AGTR1: variants seen among roughly 807,000 people sequenced by gnomAD.
AGTR1 encodes the protein angiotensin II receptor type 1, also known as type-1 angiotensin II receptor.
A neutral mutation model predicts 19.4 loss-of-function variants in AGTR1; 16 were observed. The observed-to-expected ratio is 0.82, with a 90% confidence interval of 0.56 to 1.25. AGTR1 has a LOEUF of 1.25. Ranked by LOEUF, AGTR1 falls within the 50% of genes most tolerant of loss-of-function variation. The pLI is 0.00. For synonymous variants in AGTR1, 153 were observed against 154.9 expected (o/e 0.99, Z 0.09); for missense variants, 373 against 431.9 (o/e 0.86, Z 1.21).
intron 2 of AGTR1, among the ~76,000 whole-genome samples, chr3:148,725,957 CTT>C (rs1368763141): frequency 6.6e-6 from 1 of 152,116 alleles, no homozygotes; most frequent in Non-Finnish European, 1.5e-5. Flanking sequence ...ATTTAGCAAA[CTT>C]GTTTTTTATT....
intron 1 of AGTR1, among the ~76,000 whole-genome samples, chr3:148,704,297 T>G (rs1427213181): frequency 6.6e-6 from 1 of 151,704 alleles, no homozygotes; most frequent in Non-Finnish European, 1.5e-5. Flanking sequence ...GTCTGGGAGG[T>G]GAAGGCTGCA....
At chr3:148,720,765 T>A (rs1284423952) in intron 2 of AGTR1, among the ~76,000 whole-genome samples, 1 of 152,232 alleles carries the variant, frequency 6.6e-6, no homozygotes, top group Non-Finnish European at 1.5e-5. Flanking sequence ...AAGAAAGATA[T>A]CTTTGCATTA....
intron 2 of AGTR1, chr3:148,729,981 A>G (rs1559929922): frequency 3.1e-6 from 1 of 324,088 alleles, no homozygotes; most frequent in Admixed American, 4.9e-5. Flanking sequence ...AGGGAAAAAA[A>G]TAAATTAAAT....
chr3:148,715,404 A>C (rs1329608055), intron 2 of AGTR1, among the ~76,000 whole-genome samples: 1 of 152,180 alleles, frequency 6.6e-6, no homozygotes, highest in Non-Finnish European at 1.5e-5. Flanking sequence ...CAGCTTAGGC[A>C]GAGGACTTAG....
chr3:148,721,434 C>T (rs1043378721), intron 2 of AGTR1, among the ~76,000 whole-genome samples: 1 of 152,132 alleles, frequency 6.6e-6, no homozygotes, highest in African/African-American at 2.4e-5. Context: ...CTTCTGCTTC[C>T]AGCCAAGATG....
chr3:148,727,988 T>G (rs937493589), intron 2 of AGTR1, among the ~76,000 whole-genome samples: 1 of 152,138 alleles, frequency 6.6e-6, no homozygotes, highest in Non-Finnish European at 1.5e-5. Context: ...CTTGTCTGCC[T>G]GCTAGATGCT....
intron 1 of AGTR1, among the ~76,000 whole-genome samples, chr3:148,699,699 C>G (rs1365137509): frequency 1.3e-5 from 2 of 152,158 alleles, no homozygotes; most frequent in Non-Finnish European, 2.9e-5. Flanking sequence ...AAAGTCTAAG[C>G]TTAAGGCTAG....
chr3:148,738,108 G>A (rs1270142665), intron 2 of AGTR1, among the ~76,000 whole-genome samples: 1 of 152,096 alleles, frequency 6.6e-6, no homozygotes, highest in Non-Finnish European at 1.5e-5. Flanking sequence ...TCCAAACATA[G>A]GATTAATGGA....
chr3:148,723,118 A>G (rs764462479), intron 2 of AGTR1, among the ~76,000 whole-genome samples: 10 of 152,306 alleles, frequency 6.6e-5, no homozygotes, highest in Non-Finnish European at 1.0e-4. Context: ...TCCAGGATTA[A>G]TCCTGTGTAA....
intron 1 of AGTR1, among the ~76,000 whole-genome samples, chr3:148,704,258 C>T (rs961404546): frequency 2.6e-5 from 4 of 151,778 alleles, no homozygotes; most frequent in Admixed American, 2.6e-4. Context: ...CCCAACTACT[C>T]AGGAGACTGA....
At chr3:148,714,867 A>G (rs1343745652) in intron 2 of AGTR1, among the ~76,000 whole-genome samples, 3 of 152,102 alleles carry the variant, frequency 2.0e-5, no homozygotes, top group African/African-American at 4.8e-5. Flanking sequence ...GCCTGAAAAT[A>G]TAACTTTTCA....
intron 2 of AGTR1, among the ~76,000 whole-genome samples, chr3:148,738,167 G>GGAGAAGA (rs1424086017): frequency 6.6e-6 from 1 of 152,104 alleles, no homozygotes; most frequent in East Asian, 1.9e-4. Flanking sequence ...GGAGAGAGAA[G>GGAGAAGA]GAGAAGAAAA....
intron 2 of AGTR1, among the ~76,000 whole-genome samples, chr3:148,734,828 G>A (rs564742587): frequency 3.5e-4 from 54 of 152,274 alleles, no homozygotes; most frequent in Non-Finnish European, 5.7e-4. Context: ...AATACAACCT[G>A]TAAAGGCTCA....
chr3:148,698,190 T>C (rs572286069), intron 1 of AGTR1, 63 bp downstream of exon 1: 2 of 152,200 alleles, frequency 1.3e-5, no homozygotes, highest in African/African-American at 4.8e-5. Context: ...CTAAGTTTCA[T>C]GTCACGGTGT....
At chr3:148,734,006 T>G (rs1187132416) in intron 2 of AGTR1, among the ~76,000 whole-genome samples, 2 of 152,188 alleles carry the variant, frequency 1.3e-5, no homozygotes, top group East Asian at 3.9e-4. Flanking sequence ...CCTGTTTCTC[T>G]ACTTTTTGGA....
chr3:148,720,427 G>A (rs892091069), intron 2 of AGTR1, among the ~76,000 whole-genome samples: 1 of 152,064 alleles, frequency 6.6e-6, no homozygotes, highest in African/African-American at 2.4e-5. Flanking sequence ...CATAATTTTA[G>A]AACTTATGTC....
At chr3:148,713,534 A>G (rs1314899591) in intron 2 of AGTR1, among the ~76,000 whole-genome samples, 1 of 152,198 alleles carries the variant, frequency 6.6e-6, no homozygotes, top group Non-Finnish European at 1.5e-5. Context: ...CGAGGACCCA[A>G]GAGGAACCAT....
chr3:148,740,959 T>C, intron 2 of AGTR1, 30 bp from the exon 3 acceptor site: 1 of 1,576,440 alleles, frequency 6.3e-7, no homozygotes, highest in Non-Finnish European at 8.6e-7. Context: ...AAGAATTTTT[T>C]CTTTACCATT....
At chr3:148,740,932 G>C in intron 2 of AGTR1, 57 bp from the exon 3 acceptor site, 2 of 1,458,762 alleles carry the variant, frequency 1.4e-6, no homozygotes, top group Non-Finnish European at 1.9e-6. Context: ...ATGTTTGTTA[G>C]TTTGTTTGTT....
Sources: gnomAD v4.1 joint callset for allele counts (sites outside exome capture counted in the v4.1 genomes callset) on GRCh38, gnomAD v4.1.1 for gene constraint, MANE v1.5 for transcripts, NCBI Gene and HGNC (gene_info 2026-07-23, HGNC 2026-07-21) for gene names.